Variants in CACNG3 observed in about 807,000 individuals in gnomAD.
CACNG3 encodes voltage-dependent calcium channel gamma-3 subunit.
CACNG3 carries 3 observed loss-of-function variants against 28.5 expected under a neutral mutation model. That is an observed-to-expected ratio of 0.11 (90% CI 0.05 to 0.27). The LOEUF (loss-of-function observed/expected upper bound fraction) is 0.27. Ranked by LOEUF, CACNG3 falls within the 10% of genes least tolerant of loss-of-function variation. The pLI is 1.00. For synonymous variants in CACNG3, 174 were observed against 162.2 expected, an observed-to-expected ratio of 1.07 and a Z score of -0.55; for missense variants, 236 against 414.4, an observed-to-expected ratio of 0.57 and a Z score of 3.74.
intron 1 of CACNG3, among the ~76,000 whole-genome samples, chr16:24,277,090 G>A (rs753169201): frequency 3.4e-4 from 52 of 152,268 alleles, no homozygotes; most frequent in Non-Finnish European, 7.1e-4. Context: ...GCTGGATTAT[G>A]TGGCCACGAA....
At chr16:24,272,374 T>TC (rs1443851836) in intron 1 of CACNG3, among the ~76,000 whole-genome samples, 1 of 151,954 alleles carries the variant, frequency 6.6e-6, no homozygotes, top group Non-Finnish European at 1.5e-5. Flanking sequence ...TAAATCTCTC[T>TC]CTTTTTTTTT....
At chr16:24,299,182 G>A (rs369229714) in intron 1 of CACNG3, among the ~76,000 whole-genome samples, 9 of 152,062 alleles carry the variant, frequency 5.9e-5, no homozygotes, top group East Asian at 1.9e-4. Context: ...CTTCTGTACT[G>A]GAAATGTGCC....
At chr16:24,347,746 C>T (rs1899888951) in intron 2 of CACNG3, among the ~76,000 whole-genome samples, 1 of 152,198 alleles carries the variant, frequency 6.6e-6, no homozygotes, top group Non-Finnish European at 1.5e-5. Flanking sequence ...CATGTAGGAG[C>T]CAAAAGAATG....
At chr16:24,259,770 A>G (rs753831202) in intron 1 of CACNG3, among the ~76,000 whole-genome samples, 3 of 152,194 alleles carry the variant, frequency 2.0e-5, no homozygotes, top group African/African-American at 7.2e-5. Flanking sequence ...TAACTATCCA[A>G]TGTGGAATGG....
At chr16:24,308,569 A>T (rs1899215864) in intron 1 of CACNG3, among the ~76,000 whole-genome samples, 1 of 152,150 alleles carries the variant, frequency 6.6e-6, no homozygotes, top group Non-Finnish European at 1.5e-5. Flanking sequence ...AATTAATATT[A>T]TCAGGCCAGG....
At chr16:24,257,416 A>G (rs1027914902) in intron 1 of CACNG3, among the ~76,000 whole-genome samples, 7 of 131,540 alleles carry the variant, frequency 5.3e-5, no homozygotes, top group East Asian at 2.3e-4. Context: ...AGAGAGAGAG[A>G]GAGAGAGAGA....
chr16:24,320,857 T>C (rs962514492), intron 1 of CACNG3, among the ~76,000 whole-genome samples: 1 of 152,088 alleles, frequency 6.6e-6, no homozygotes, highest in Non-Finnish European at 1.5e-5. Context: ...AGCCTCCCGA[T>C]TAGCTGGGAC....
At chr16:24,341,841 A>G (rs1899792146) in intron 1 of CACNG3, among the ~76,000 whole-genome samples, 1 of 152,218 alleles carries the variant, frequency 6.6e-6, no homozygotes, top group Admixed American at 6.5e-5. Context: ...CACCCAGTCT[A>G]AAGAGGGCTG....
intron 1 of CACNG3, among the ~76,000 whole-genome samples, chr16:24,302,386 A>G (rs571925350): frequency 6.6e-6 from 1 of 152,308 alleles, no homozygotes; most frequent in African/African-American, 2.4e-5. Flanking sequence ...AAATGCAGTT[A>G]CAAAATACAA....
chr16:24,299,051 T>G (rs549573110), intron 1 of CACNG3, among the ~76,000 whole-genome samples: 20 of 152,268 alleles, frequency 1.3e-4, no homozygotes, highest in African/African-American at 4.8e-4. Context: ...TTACTTTTTT[T>G]TCCCCCTTTC....
rs564788856 is a variant in CACNG3, at chr16:24,347,315, C to A, written c.295+498C>A. On this transcript the variant is annotated intron_variant, in intron 2 of 3. Coordinates refer to ENST00000005284, the MANE Select transcript of CACNG3 (RefSeq NM_006539.4). ...CCTGGGTGACAGAGTGAGACCCTGT[C>A]TCTGAAAAGAAAGAGAAGGAGAAAG... 1.2e-4 allele frequency among the ~76,000 whole-genome samples: 18 copies of A among 151,510 alleles called. 1 individual carries two copies. In the South Asian group the frequency reaches 3.7e-3, roughly 32 times the overall value.
chr16:24,361,427 A>T lies in CACNG3; in HGVS notation c.512A>T (p.Lys171Ile). The stretch of plus-strand genomic sequence containing the variant: ...GACCCCGGGCAGCGTGACTCCAAAA[A>T]AAGTTACTCCTATGGTTGGTCCTTT... Reference protein sequence around the residue: ...AGDPGQRDSKKSYSYGWSFYF... With the variant: ...AGDPGQRDSKISYSYGWSFYF... Residue 171 changes from lysine (K) to isoleucine (I), a missense_variant, in exon 4 of 4, where the codon AAA becomes ATA. Around this residue, in one of 2 missense-constraint regions of CACNG3, gnomAD observed 120 missense variants for 263.4 expected, o/e 0.46. Transcript: ENST00000005284. This position sits in a 1 kb window ranked among gnomAD's most constrained non-coding sequence, Gnocchi z 6.8. 5 of 1,614,032 alleles carry T rather than the reference A, an allele frequency of 3.1e-6. No individual in the cohort carries two copies. The highest frequency in any genetic ancestry group is 4.2e-6 in the Non-Finnish European group (5 of 1,179,992).
intron 1 of CACNG3, among the ~76,000 whole-genome samples, chr16:24,313,715 C>A (rs193212599): frequency 3.9e-5 from 6 of 152,016 alleles, no homozygotes; most frequent in Admixed American, 3.9e-4. Context: ...CTGCCTCAGC[C>A]TCCCAAAGTG....
intron 1 of CACNG3, among the ~76,000 whole-genome samples, chr16:24,278,603 A>T (rs1596624865): frequency 6.6e-6 from 1 of 152,162 alleles, no homozygotes; most frequent in East Asian, 1.9e-4. Flanking sequence ...CGACAGAGGG[A>T]GACTCTGTCT....
chr16:24,309,159 G>A (rs1239215320), intron 1 of CACNG3, among the ~76,000 whole-genome samples: 1 of 152,206 alleles, frequency 6.6e-6, no homozygotes, highest in Non-Finnish European at 1.5e-5. Flanking sequence ...CAAAGTTAAG[G>A]CATTTGAACA....
chr16:24,292,652 C>T (rs1898981143), intron 1 of CACNG3, among the ~76,000 whole-genome samples: 1 of 152,110 alleles, frequency 6.6e-6, no homozygotes, highest in Non-Finnish European at 1.5e-5. Context: ...TCTCCGTTTC[C>T]CTCTTTATCT....
At chr16:24,271,766 G>A (rs1898694259) in intron 1 of CACNG3, among the ~76,000 whole-genome samples, 1 of 152,192 alleles carries the variant, frequency 6.6e-6, no homozygotes, top group African/African-American at 2.4e-5. Flanking sequence ...ACCCAGGTGA[G>A]CAGGGCATGG....
intron 1 of CACNG3, among the ~76,000 whole-genome samples, chr16:24,278,789 G>A (rs1201481483): frequency 6.6e-6 from 1 of 152,120 alleles, no homozygotes; most frequent in Non-Finnish European, 1.5e-5. Context: ...ACTGGCCCAA[G>A]GTCACACATG....
chr16:24,349,902 C>T (rs1899918211), intron 2 of CACNG3, among the ~76,000 whole-genome samples: 1 of 152,204 alleles, frequency 6.6e-6, no homozygotes, highest in African/African-American at 2.4e-5. Context: ...TCAAAGCCCA[C>T]AGGTTCTGTT....
Sources: allele counts gnomAD v4.1 joint callset (sites outside exome capture counted in the v4.1 genomes callset), GRCh38; gene constraint gnomAD v4.1.1; regional missense constraint gnomAD v4.1.1; non-coding constraint Gnocchi (gnomAD v3.1); transcripts MANE v1.5; gene names NCBI Gene and HGNC (gene_info 2026-07-23, HGNC 2026-07-21).